Variants in KCNN2 observed in about 807,000 individuals in gnomAD.
KCNN2 encodes the protein potassium calcium-activated channel subfamily N member 2, also known as small conductance calcium-activated potassium channel protein 2.
A neutral mutation model predicts 55.5 loss-of-function variants in KCNN2; 24 were observed. That is an observed-to-expected ratio of 0.43 (90% CI 0.31 to 0.61). The LOEUF (loss-of-function observed/expected upper bound fraction) is 0.61. Among genes scored for constraint, KCNN2 ranks in the 20% least tolerant of loss-of-function variants. The pLI is 0.08. For missense variants in KCNN2, 754 were observed against 853.6 expected (o/e 0.88, Z 1.45); for synonymous variants, 431 against 336.1 (o/e 1.28, Z -3.09).
intron 1 of KCNN2, among the ~76,000 whole-genome samples, chr5:114,117,315 A>G (rs1357054848): frequency 6.6e-6 from 1 of 152,110 alleles, no homozygotes; most frequent in Non-Finnish European, 1.5e-5. Context: ...GATCATGTTC[A>G]GTGTTCATTC....
chr5:114,157,234 C>G (rs1367555336), intron 1 of KCNN2, among the ~76,000 whole-genome samples: 1 of 149,490 alleles, frequency 6.7e-6, no homozygotes, highest in Non-Finnish European at 1.5e-5. Context: ...CATTTCCCAC[C>G]TATGAGTGAG....
chr5:114,089,802 C>T (rs1158617531), intron 1 of KCNN2, among the ~76,000 whole-genome samples: 1 of 152,088 alleles, frequency 6.6e-6, no homozygotes, highest in African/African-American at 2.4e-5. Context: ...TGGGTTAAAC[C>T]ATTCCTGATA....
intron 1 of KCNN2, among the ~76,000 whole-genome samples, chr5:114,166,614 G>A (rs963442012): frequency 1.3e-5 from 2 of 152,230 alleles, no homozygotes; most frequent in Admixed American, 6.5e-5. Flanking sequence ...TTTTCACCTG[G>A]TTCTCTTGGG....
chr5:114,288,184 C>A (rs890256759), intron 2 of KCNN2, among the ~76,000 whole-genome samples: 5 of 152,112 alleles, frequency 3.3e-5, no homozygotes, highest in Admixed American at 2.6e-4. Flanking sequence ...GTACTTCATT[C>A]CTTTTTATGG....
intron 1 of KCNN2, among the ~76,000 whole-genome samples, chr5:114,072,235 T>C (rs2112527332): frequency 6.6e-6 from 1 of 151,598 alleles, no homozygotes; most frequent in Admixed American, 6.6e-5. Flanking sequence ...GAGGTTGCGG[T>C]GAGCCAAGAT....
intron 2 of KCNN2, among the ~76,000 whole-genome samples, chr5:114,277,521 A>G (rs2150011222): frequency 6.6e-6 from 1 of 152,184 alleles, no homozygotes; most frequent in African/African-American, 2.4e-5. Flanking sequence ...TATTTCCTGG[A>G]GGCTTTGTTA....
At chr5:114,209,948 C>A (rs1470826313) in intron 1 of KCNN2, among the ~76,000 whole-genome samples, 1 of 151,768 alleles carries the variant, frequency 6.6e-6, no homozygotes, top group African/African-American at 2.4e-5. Flanking sequence ...ATTTTCAGTG[C>A]TTTCATTATT....
chr5:114,237,300 ACACT>A (rs1232060866), intron 2 of KCNN2, among the ~76,000 whole-genome samples: 5 of 145,256 alleles, frequency 3.4e-5, no homozygotes, highest in African/African-American at 5.0e-5. Flanking sequence ...ACTCACACAC[ACACT>A]CACACACCCC....
At chr5:114,267,274 C>T (rs1240145624) in intron 2 of KCNN2, among the ~76,000 whole-genome samples, 1 of 152,104 alleles carries the variant, frequency 6.6e-6, no homozygotes, top group Non-Finnish European at 1.5e-5. Flanking sequence ...GGATTACAGG[C>T]GTGAGCCACT....
intron 2 of KCNN2, among the ~76,000 whole-genome samples, chr5:114,383,609 C>T (rs578128745): frequency 2.6e-5 from 4 of 151,872 alleles, no homozygotes; most frequent in Non-Finnish European, 5.9e-5. Context: ...GCTGGGATTA[C>T]AGGCGGGCGC....
rs949699454 is a variant in KCNN2 at position 114,242,898 on chromosome 5, C to G, written c.-185+21333C>G. On this transcript the variant is annotated intron_variant, in intron 2 of 10. Coordinates refer to the KCNN2 transcript ENST00000512097. The stretch of plus-strand genomic sequence containing the variant: ...GCCATTCTTTTGGCAGTAAATGAGG[C>G]CCAACATGCCTTGTTTGGGACTCAT... Among the ~76,000 whole-genome samples the G allele has an allele frequency of 2.0e-5, 3 of 152,012 alleles. No individual in the cohort carries two copies. The East Asian group carries it at 5.8e-4, about 29-fold the overall frequency.
intron 2 of KCNN2, among the ~76,000 whole-genome samples, chr5:114,345,434 T>TA (rs1341669155): frequency 6.6e-6 from 1 of 152,154 alleles, no homozygotes; most frequent in Non-Finnish European, 1.5e-5. Flanking sequence ...CTCTGACACT[T>TA]AGAATCATTG....
At chr5:114,267,992 C>G (rs1394695289) in intron 2 of KCNN2, among the ~76,000 whole-genome samples, 2 of 152,130 alleles carry the variant, frequency 1.3e-5, no homozygotes, top group Non-Finnish European at 2.9e-5. Context: ...GAGCTCCCTC[C>G]CTGGCCGTGC....
intron 2 of KCNN2, among the ~76,000 whole-genome samples, chr5:114,346,930 C>A (rs1207447682): frequency 1.3e-5 from 2 of 151,958 alleles, no homozygotes; most frequent in East Asian, 1.9e-4. Context: ...CAGGGGCCAA[C>A]CTGAAGGAGC....
chr5:114,107,401 T>C (rs907130771), intron 1 of KCNN2, among the ~76,000 whole-genome samples: 1 of 152,082 alleles, frequency 6.6e-6, no homozygotes, highest in Non-Finnish European at 1.5e-5. Flanking sequence ...TGCATTCTTT[T>C]TGAGATGGGG....
intron 1 of KCNN2, among the ~76,000 whole-genome samples, chr5:114,216,060 ATTTAC>A (rs1753994108): frequency 6.6e-6 from 1 of 152,118 alleles, no homozygotes; most frequent in Admixed American, 6.6e-5. Flanking sequence ...CATCTGGTAA[ATTTAC>A]TTCAACTGGA....
chr5:114,282,536 C>G (rs1161369542), intron 2 of KCNN2, among the ~76,000 whole-genome samples: 2 of 151,910 alleles, frequency 1.3e-5, no homozygotes, highest in Admixed American at 6.6e-5. Context: ...TATTTTTATG[C>G]AATGTGAACT....
intron 2 of KCNN2, among the ~76,000 whole-genome samples, chr5:114,256,183 A>G (rs1754979569): frequency 6.6e-6 from 1 of 151,950 alleles, no homozygotes; most frequent in African/African-American, 2.4e-5. Context: ...TGACTTCGTT[A>G]TTTTTCATGG....
intron 3 of KCNN2, among the ~76,000 whole-genome samples, chr5:114,425,966 G>C (rs903971521): frequency 1.3e-5 from 2 of 151,356 alleles, no homozygotes; most frequent in African/African-American, 4.9e-5. Flanking sequence ...AATGACTTGA[G>C]CTTAGGAGTT....
Sources: allele counts gnomAD v4.1 joint callset (sites outside exome capture counted in the v4.1 genomes callset), GRCh38; gene constraint gnomAD v4.1.1; transcripts MANE v1.5; gene names NCBI Gene and HGNC (gene_info 2026-07-23, HGNC 2026-07-21).